Variants in MEAK7 observed in about 807,000 individuals in gnomAD.
MEAK7 encodes MTOR-associated protein MEAK7.
Under a neutral mutation model 40.5 loss-of-function variants are expected in MEAK7, and 68 were observed. That is an observed-to-expected ratio of 1.68 (90% CI 1.38 to 2.06). The LOEUF (loss-of-function observed/expected upper bound fraction) is 2.06. Ranked by LOEUF, MEAK7 falls within the 30% of genes most tolerant of loss-of-function variation. MEAK7 has a pLI of 0.00. For missense variants in MEAK7, 918 were observed against 580.5 expected (o/e 1.58, Z -5.98); for synonymous variants, 338 against 231.9 (o/e 1.46, Z -4.16).
chr16:84,500,618 C>T (rs1415273769), intron 1 of MEAK7, among the ~76,000 whole-genome samples: 1 of 152,174 alleles, frequency 6.6e-6, no homozygotes, highest in East Asian at 1.9e-4. Flanking sequence ...TACCCGACCC[C>T]GTTTGGGTGC....
At chr16:84,494,224 G>C (rs1913858183) in intron 3 of MEAK7, among the ~76,000 whole-genome samples, 1 of 152,132 alleles carries the variant, frequency 6.6e-6, no homozygotes, top group South Asian at 2.1e-4. Context: ...TTACAAATAA[G>C]TTGGTCCTAC....
intron 3 of MEAK7, chr16:84,494,686 A>T: frequency 2.7e-6 from 1 of 363,862 alleles, no homozygotes. Context: ...TTTTTTCTTC[A>T]CGGGACATGA....
At chr16:84,486,578 A>G in intron 5 of MEAK7, 53 bp downstream of exon 5, 2 of 1,528,508 alleles carry the variant, frequency 1.3e-6, no homozygotes, top group Non-Finnish European at 1.8e-6. Context: ...CTTTCTCCAG[A>G]GCTCTTTGCC....
intron 7 of MEAK7, 48 bp from the exon 8 acceptor site, chr16:84,480,074 G>A (rs747970175): frequency 2.1e-6 from 3 of 1,438,422 alleles, no homozygotes; most frequent in African/African-American, 1.4e-5. Context: ...GGCCCAACAA[G>A]AGGCAGCAGC....
rs1429511462 is a variant in MEAK7 at position 84,479,829 on chromosome 16, A to G, written c.*84T>C. ...TGCGGTACGCTATTACAGTTAAACC[A>G]TGTGGGAGGGAAGAGGGGCTGCAGG... On this transcript the variant is annotated 3_prime_UTR_variant, in exon 8 of 8. Coordinates refer to ENST00000343629, the MANE Select transcript of MEAK7 (RefSeq NM_020947.4). The G allele has an allele frequency of 2.5e-5, 26 of 1,050,042 alleles. No homozygotes were observed. Among genetic ancestry groups the G allele is most frequent in the Non-Finnish European group, 2.5e-5 (18 of 731,980 alleles). The allele number at this position is 1,050,042 out of a possible 1,614,324, so 65.0% of individuals were successfully genotyped here. A position where few individuals can be genotyped will look rare whatever the true frequency, so the allele number is the denominator to read the frequency against.
At chr16:84,489,580 T>A (rs528139913) in intron 3 of MEAK7, among the ~76,000 whole-genome samples, 158 bp from the exon 4 acceptor site, 1 of 152,350 alleles carries the variant, frequency 6.6e-6, no homozygotes, top group African/African-American at 2.4e-5. Flanking sequence ...GTTTTTCTAA[T>A]GATGCACTTG....
chr16:84,495,071 C>T (rs1418812139), intron 3 of MEAK7, among the ~76,000 whole-genome samples: 1 of 152,136 alleles, frequency 6.6e-6, no homozygotes. Context: ...GAGTTGGAGA[C>T]CAGCCTGGCC....
In MEAK7 at chr16:84,480,720, G is replaced by A. The variant is rs746219175; in HGVS notation, c.1078-12C>T. 3 of 1,604,380 alleles carry A rather than the reference G, an allele frequency of 1.9e-6. No homozygotes were observed. On this transcript the variant is annotated splice_polypyrimidine_tract_variant and intron_variant, in intron 6 of 7. Coordinates refer to ENST00000343629, the MANE Select transcript of MEAK7 (RefSeq NM_020947.4). ...TGCCCCCCCATACCCTGCAAAGGAAGCCAGGACAGAGAATAGCATCAGCAA... is the reference window on the plus strand; with the variant it reads ...TGCCCCCCCATACCCTGCAAAGGAAACCAGGACAGAGAATAGCATCAGCAA...
At chr16:84,487,593 G>C (rs1000619632) in intron 4 of MEAK7, 2 of 154,950 alleles carry the variant, frequency 1.3e-5, no homozygotes, top group African/African-American at 2.4e-5. Context: ...TTCCCAGCCA[G>C]TCAAGGGGCT....
At position 84,498,010 on chromosome 16, in the gene MEAK7, T is replaced by C. The variant is rs2150646077; in HGVS notation, c.77A>G (p.Gln26Arg). The change falls in exon 2 of 8, where the codon CAA becomes CGA. Residue 26 changes from glutamine (Q) to arginine (R), a missense_variant. Transcript: ENST00000343629. ...ATCTGATGACAGAGCATCAAACAATTGATCAATCTCTGCCTGTTCCTCAGG... is the reference window on the plus strand; with the variant it reads ...ATCTGATGACAGAGCATCAAACAATCGATCAATCTCTGCCTGTTCCTCAGG... ...FLPEEQAEID[Q>R]LFDALSSDKN... is the part of the protein sequence containing the mutation. 5 of 1,614,188 alleles carry C rather than the reference T, an allele frequency of 3.1e-6. No individual in the cohort carries two copies. The South Asian group carries it at 4.4e-5, about 14-fold the overall frequency.
intron 2 of MEAK7, chr16:84,497,311 A>G: frequency 4.4e-6 from 4 of 906,796 alleles, no homozygotes; most frequent in Non-Finnish European, 4.4e-6. Flanking sequence ...GAACGGGGAA[A>G]AACATGGGCA....
chr16:84,490,510 C>A (rs974755451), intron 3 of MEAK7, among the ~76,000 whole-genome samples: 2 of 130,986 alleles, frequency 1.5e-5, no homozygotes, highest in Admixed American at 8.6e-5. Context: ...GTTCCTACAT[C>A]AAAATCCTTT....
At chr16:84,503,157 A>G (rs967900720) in intron 1 of MEAK7, among the ~76,000 whole-genome samples, 1 of 152,214 alleles carries the variant, frequency 6.6e-6, no homozygotes, top group African/African-American at 2.4e-5. Flanking sequence ...TGGGCCACAC[A>G]TAAAACCCAC....
At position 84,497,186 on chromosome 16, in the gene MEAK7, G is replaced by A. The variant is rs1914121704; in HGVS notation, c.153+748C>T. ...CTCCCATGCTGCACATTCTAGAAGA[G>A]GGAGGAGGCTGCTAGGATGGCTGCC... On this transcript the variant is annotated intron_variant, in intron 2 of 7. Coordinates refer to ENST00000343629, the MANE Select transcript of MEAK7 (RefSeq NM_020947.4). 2.4e-5 allele frequency: 8 copies of A among 331,390 alleles called. 2 individuals carry two copies. Among genetic ancestry groups the A allele is most frequent in the South Asian group, 1.9e-4 (8 of 41,214 alleles). The allele number at this position is 331,390 out of a possible 1,614,324, so 20.5% of individuals were successfully genotyped here.
chr16:84,504,107 G>A (rs1914706475), intron 1 of MEAK7: 5 of 985,482 alleles, frequency 5.1e-6, no homozygotes, highest in Non-Finnish European at 4.8e-6. Context: ...GTCCTGTGCT[G>A]GCCACCTACA....
chr16:84,495,723 G>C lies in MEAK7; in HGVS notation c.344C>G (p.Ser115Cys), dbSNP rs767856955. ...GGCCTTCACGGGACCTTCTGTGGCA[G>C]AAATCATTTTCATAATCATGAGACT... Reference protein sequence around the residue: ...EKSLMIMKMISATEGPVKARE... With the variant: ...EKSLMIMKMICATEGPVKARE... Residue 115 changes from serine to cysteine, a missense_variant, in exon 3 of 8, where the codon TCT becomes TGT. Ser to Cys is a moderately radical substitution (Grantham distance 112). Transcript: ENST00000343629. The C allele has an allele frequency of 8.1e-6, 13 of 1,613,962 alleles. No individual in the cohort carries two copies. The African/African-American group carries it at 1.5e-4, about 18-fold the overall frequency.
chr16:84,493,087 TGTAA>T (rs1192457402), intron 3 of MEAK7, among the ~76,000 whole-genome samples: 2 of 152,222 alleles, frequency 1.3e-5, no homozygotes, highest in Non-Finnish European at 2.9e-5. Context: ...ACCACATTTA[TGTAA>T]GTGTGTTATT....
At position 84,504,632 on chromosome 16, in the gene MEAK7, G is replaced by C. The variant is rs989532917; in HGVS notation, c.-57C>G. 11 of 985,520 alleles carry C rather than the reference G, an allele frequency of 1.1e-5. No individual in the cohort carries two copies. Among genetic ancestry groups the C allele is most frequent in the African/African-American group, 1.7e-5 (1 of 57,254 alleles). The allele number at this position is 985,520 out of a possible 1,614,324, so 61.0% of individuals were successfully genotyped here. On this transcript the variant is annotated 5_prime_UTR_variant, in exon 1 of 8. Transcript: ENST00000343629. ...GGGCTTCCTGGTGCTGTCCGGTCCG[G>C]TCCAGCAGCCCACGGGCTCCTCTCG...
chr16:84,486,804 T>G lies in MEAK7; in HGVS notation c.785A>C (p.Gln262Pro). 1.2e-6 allele frequency: 2 copies of G among 1,614,056 alleles called. No homozygotes were observed. The highest frequency in any genetic ancestry group is 1.7e-6 in the Non-Finnish European group (2 of 1,179,916). The change falls in exon 5 of 8, where the codon CAG becomes CCG. Residue 262 changes from glutamine to proline, a missense_variant. Gln to Pro is a moderately conservative substitution (Grantham distance 76). Coordinates refer to ENST00000343629, the MANE Select transcript of MEAK7 (RefSeq NM_020947.4). ...AAAGAGCAGGCACCAGCGGTGCCGC[T>G]GCTCCCGAGGCAGCTGGGCGTTGAT... ...MYINAQLPRE[Q>P]RHRWCLLFSS...
Sources: allele counts gnomAD v4.1 joint callset (sites outside exome capture counted in the v4.1 genomes callset), GRCh38; gene constraint gnomAD v4.1.1; transcripts MANE v1.5; gene names NCBI Gene and HGNC (gene_info 2026-07-23, HGNC 2026-07-21).